ARHGAP39: variants seen among roughly 807,000 people sequenced by gnomAD.
The protein encoded by ARHGAP39 is Rho GTPase activating protein 39, also known as rho GTPase-activating protein 39.
ARHGAP39 carries 44 observed loss-of-function variants against 106.9 expected under a neutral mutation model. That is an observed-to-expected ratio of 0.41 (90% confidence interval 0.32 to 0.53). The LOEUF (loss-of-function observed/expected upper bound fraction) is 0.53, where lower values mean the gene tolerates loss of function less well. Among genes scored for constraint, ARHGAP39 ranks in the 20% least tolerant of loss-of-function variants. ARHGAP39 has a pLI of 0.21. For synonymous variants in ARHGAP39, 768 were observed against 693.2 expected, an observed-to-expected ratio of 1.11 and a Z score of -1.69; for missense variants, 1,496 against 1,577.3, an observed-to-expected ratio of 0.95 and a Z score of 0.87.
Position 144,538,804 on chromosome 8 carries a change from C to T in ARHGAP39, c.2522-991G>A, listed in dbSNP as rs564810040. Among the ~76,000 whole-genome samples the T allele has an allele frequency of 7.2e-5, 11 of 152,262 alleles. No homozygotes were observed. The South Asian group carries it at 1.7e-3, about 23-fold the overall frequency. ...CAGGCTGGTCTTGAACTCTTGACCT[C>T]AAATGATCCACCCACCTCGGCCTCC... is the stretch of plus-strand genomic sequence containing the variant. On this transcript the variant is annotated intron_variant, in intron 6 of 11. Coordinates refer to ENST00000377307, the MANE Select transcript of ARHGAP39 (RefSeq NM_025251.3).
chr8:144,605,198 C>A (rs1238572805), intron 2 of ARHGAP39, among the ~76,000 whole-genome samples: 3 of 152,200 alleles, frequency 2.0e-5, no homozygotes, highest in Non-Finnish European at 4.4e-5. Flanking sequence ...GAGTTCAAGG[C>A]TGCAGTGAGC....
At chr8:144,698,665 G>T in the ARHGAP39 span, 14 of 289,180 alleles carry the variant, frequency 4.8e-5, no homozygotes, top group South Asian at 1.1e-4. Flanking sequence ...TTAGTATTTT[G>T]CTAGGAACCT....
chr8:144,561,283 CTCCAGTGGTTTCCATCACAT>C (rs1439574230), intron 3 of ARHGAP39, among the ~76,000 whole-genome samples: 3 of 151,956 alleles, frequency 2.0e-5, no homozygotes, highest in African/African-American at 7.2e-5. Context: ...TTCCATCACA[CTCCAGTGGTTTCCATCACAT>C]TCCAGTGGTT....
chr8:144,640,714 T>C (rs1821290064), intron 1 of ARHGAP39, among the ~76,000 whole-genome samples: 1 of 152,192 alleles, frequency 6.6e-6, no homozygotes, highest in African/African-American at 2.4e-5. Flanking sequence ...TCCCGATAAA[T>C]ACCCATTAGG....
chr8:144,590,850 C>T (rs1819365701), intron 2 of ARHGAP39, among the ~76,000 whole-genome samples: 1 of 152,048 alleles, frequency 6.6e-6, no homozygotes, highest in Non-Finnish European at 1.5e-5. Context: ...TGGTCCCTGG[C>T]CATGAGCCTT....
intron 3 of ARHGAP39, among the ~76,000 whole-genome samples, chr8:144,566,600 A>C (rs1586559510): frequency 6.6e-6 from 1 of 152,204 alleles, no homozygotes; most frequent in Admixed American, 6.5e-5. Context: ...TCATGCCTGT[A>C]ATCCCGGCAC....
chr8:144,549,846 C>CTT (rs768894728), intron 4 of ARHGAP39, among the ~76,000 whole-genome samples: 4 of 152,240 alleles, frequency 2.6e-5, no homozygotes, highest in Non-Finnish European at 4.4e-5. Context: ...CAGCTCCACA[C>CTT]TTCAGAATAT....
chr8:144,561,548 T>C (rs1194716831), intron 3 of ARHGAP39, among the ~76,000 whole-genome samples: 5 of 149,014 alleles, frequency 3.4e-5, no homozygotes, highest in Non-Finnish European at 5.9e-5. Flanking sequence ...TCCATCACAC[T>C]CCAGTGGTTT....
At chr8:144,630,832 G>A (rs535216383) in intron 1 of ARHGAP39, among the ~76,000 whole-genome samples, 1 of 152,402 alleles carries the variant, frequency 6.6e-6, no homozygotes, top group South Asian at 2.1e-4. Flanking sequence ...CCAGAACTGT[G>A]AGAAGTAAGT....
At position 144,644,815 on chromosome 8, in the gene ARHGAP39, A is replaced by C. The variant is rs547126332; in HGVS notation, c.-81-39120T>G. Among the ~76,000 whole-genome samples the C allele has an allele frequency of 6.6e-6, 1 of 152,328 alleles. No individual in the cohort carries two copies. The highest frequency in any genetic ancestry group is 1.9e-4 in the East Asian group (1 of 5,182). On this transcript the variant is annotated intron_variant, in intron 1 of 11. Coordinates refer to ENST00000377307, the MANE Select transcript of ARHGAP39 (RefSeq NM_025251.3). This position sits in a 1 kb window ranked among gnomAD's most constrained non-coding sequence, Gnocchi z 4.8. Reference sequence around the variant, plus strand: ...GCACTCTGAGTCATTGCAGGCACCAAACCCAAGCCCTGTACCTTCACCCTA... The same window carrying C: ...GCACTCTGAGTCATTGCAGGCACCACACCCAAGCCCTGTACCTTCACCCTA...
chr8:144,547,166 G>T lies in ARHGAP39; in HGVS notation c.1920C>A (p.Thr640=), dbSNP rs764900447. ...GGTAGGGCTCTGGTGAGGCCAGGTT[G>T]GTCTGCACGGAGACGCTCTTCTCCA... ...ILLEKSVSVQ[T]NLASPEPYLH... The change falls in exon 5 of 12, where the codon ACC becomes ACA. Residue 640 remains threonine, a synonymous_variant. Coordinates refer to ENST00000377307, the MANE Select transcript of ARHGAP39 (RefSeq NM_025251.3). This position sits in a 1 kb window ranked among gnomAD's most constrained non-coding sequence, Gnocchi z 5.2. 2.5e-6 allele frequency: 4 copies of T among 1,610,648 alleles called. No individual in the cohort carries two copies. Among genetic ancestry groups the T allele is most frequent in the Non-Finnish European group, 3.4e-6 (4 of 1,178,926 alleles).
In ARHGAP39 at chr8:144,644,394, G is replaced by A. The variant is rs7816938; in HGVS notation, c.-81-38699C>T. Among the ~76,000 whole-genome samples the A allele has an allele frequency of 0.036, 5,499 of 152,220 alleles. 339 individuals carry two copies. The highest frequency in any genetic ancestry group is 0.13 in the African/African-American group (5,243 of 41,514). On this transcript the variant is annotated intron_variant, in intron 1 of 11. Transcript: ENST00000377307. This position sits in a 1 kb window ranked among gnomAD's most constrained non-coding sequence, Gnocchi z 4.8. The stretch of plus-strand genomic sequence containing the variant: ...GCGGCAGATCGGCAGAGATGGAGGC[G>A]GCTATGAGGCGGGGCTGGGCACAAA...
At chr8:144,537,205 G>A (rs894603897) in intron 7 of ARHGAP39, among the ~76,000 whole-genome samples, 1 of 151,866 alleles carries the variant, frequency 6.6e-6, no homozygotes, top group African/African-American at 2.4e-5. Flanking sequence ...GGTGGGGAGG[G>A]TGGGGAAGCC....
chr8:144,533,385 C>T, intron 8 of ARHGAP39, 60 bp from the exon 9 acceptor site: 2 of 1,544,540 alleles, frequency 1.3e-6, no homozygotes, highest in South Asian at 1.1e-5. Flanking sequence ...CCCCCGCCAC[C>T]CCGGTTGTCT....
chr8:144,565,328 T>C (rs1031547942), intron 3 of ARHGAP39, among the ~76,000 whole-genome samples: 5 of 151,810 alleles, frequency 3.3e-5, no homozygotes, highest in East Asian at 2.0e-4. Flanking sequence ...CTTCGTGAAT[T>C]TGAAAGCACA....
Position 144,591,530 on chromosome 8 carries a change from C to T in ARHGAP39, c.81-10253G>A, listed in dbSNP as rs1359682638. 2.0e-5 allele frequency among the ~76,000 whole-genome samples: 3 copies of T among 152,180 alleles called. No individual in the cohort carries two copies. Among genetic ancestry groups the T allele is most frequent in the African/African-American group, 7.2e-5 (3 of 41,430 alleles). The stretch of plus-strand genomic sequence containing the variant: ...CCTTCCACCATGATTGTTCCCTGGG[C>T]GCCCCAGCCATGCGGAACCTCCTGG... On this transcript the variant is annotated intron_variant, in intron 2 of 11. Transcript: ENST00000377307. The surrounding 1 kb of genome is among the most constrained non-coding windows in gnomAD (Gnocchi z 5.3).
chr8:144,587,719 A>T (rs1314688558), intron 2 of ARHGAP39, among the ~76,000 whole-genome samples: 4 of 147,758 alleles, frequency 2.7e-5, no homozygotes, highest in Non-Finnish European at 5.9e-5. Flanking sequence ...CGGTGGCGCG[A>T]TCTCGGCTCG....
intron 3 of ARHGAP39, among the ~76,000 whole-genome samples, chr8:144,576,549 G>A (rs529255343): frequency 5.3e-5 from 8 of 152,270 alleles, no homozygotes; most frequent in African/African-American, 1.4e-4. Context: ...GAACAGCCCC[G>A]CAAGTGTGGG....
intron 2 of ARHGAP39, among the ~76,000 whole-genome samples, chr8:144,583,569 T>G (rs1021211748): frequency 5.9e-5 from 9 of 152,134 alleles, no homozygotes; most frequent in African/African-American, 2.2e-4. Context: ...CTGTTTCTCC[T>G]CCACTTTAAC....
Sources: allele counts gnomAD v4.1 joint callset (sites outside exome capture counted in the v4.1 genomes callset), GRCh38; gene constraint gnomAD v4.1.1; non-coding constraint Gnocchi (gnomAD v3.1); transcripts MANE v1.5; gene names NCBI Gene and HGNC (gene_info 2026-07-23, HGNC 2026-07-21).